The following OVCH1 variants were observed in gnomAD, a reference collection of about 807,000 sequenced individuals.
OVCH1 encodes the protein ovochymase-1.
OVCH1 carries 139 observed loss-of-function variants against 138.4 expected under a neutral mutation model. That is an observed-to-expected ratio of 1.00 (90% CI 0.87 to 1.16). The LOEUF (loss-of-function observed/expected upper bound fraction) is 1.16, where lower values mean the gene tolerates loss of function less well. Ranked by LOEUF, OVCH1 falls within the 50% of genes most tolerant of loss-of-function variation. OVCH1 has a pLI of 0.00. For missense variants in OVCH1, 1,367 were observed against 1,357.9 expected (o/e 1.01, Z -0.11); for synonymous variants, 453 against 467.8 (o/e 0.97, Z 0.41).
chr12:29,472,491 A>T (rs973289163), intron 15 of OVCH1, among the ~76,000 whole-genome samples: 1 of 152,138 alleles, frequency 6.6e-6, no homozygotes, highest in Non-Finnish European at 1.5e-5. Context: ...AATTGATGAG[A>T]CCCATAGCCC....
chr12:29,405,826 T>C, the OVCH1 span, among the ~76,000 whole-genome samples: 1 of 152,236 alleles, frequency 6.6e-6, no homozygotes, highest in African/African-American at 2.4e-5. Context: ...GTGATCTCAT[T>C]CTTTTGACTT....
intron 19 of OVCH1, among the ~76,000 whole-genome samples, chr12:29,457,705 AAATG>A (rs2135960387): frequency 6.6e-6 from 1 of 152,186 alleles, no homozygotes; most frequent in South Asian, 2.1e-4. Flanking sequence ...ACCTGGCCAC[AAATG>A]AATATTTTTT....
chr12:29,484,784 C>T (rs1471777617), intron 8 of OVCH1, among the ~76,000 whole-genome samples: 30 of 152,136 alleles, frequency 2.0e-4, no homozygotes. Flanking sequence ...ATAACACTGT[C>T]CCCTGAGGTT....
At chr12:29,409,535 A>G (rs1940925905), downstream of OVCH1, among the ~76,000 whole-genome samples, 1 of 151,994 alleles carries the variant, frequency 6.6e-6, no homozygotes. Flanking sequence ...TTCAGAGAAC[A>G]TCTTTATTTC....
At chr12:29,468,740 T>C (rs10843425) in intron 16 of OVCH1, among the ~76,000 whole-genome samples, 63,487 of 151,954 alleles carry the variant, frequency 0.42, 14,222 homozygotes, top group East Asian at 0.58. Flanking sequence ...TTGAAAATAT[T>C]GTATGAACTC....
chr12:29,426,324 G>C (rs991495863), downstream of OVCH1, among the ~76,000 whole-genome samples: 1 of 152,184 alleles, frequency 6.6e-6, no homozygotes, highest in African/African-American at 2.4e-5. Context: ...GATAATTGCT[G>C]ACTTACATTA....
exon 14 of OVCH1, chr12:29,475,180 C>T: frequency 6.8e-7 from 1 of 1,473,414 alleles, no homozygotes; most frequent in Non-Finnish European, 9.0e-7. Context: ...CAACATTCCA[C>T]AAAGTTTAGC....
At chr12:29,446,809 GATTTTTA>G (rs1941628908) in intron 22 of OVCH1, among the ~76,000 whole-genome samples, 3 of 151,812 alleles carry the variant, frequency 2.0e-5, no homozygotes, top group Non-Finnish European at 2.9e-5. Context: ...ATTTCAGCAT[GATTTTTA>G]AAGTTTTTTT....
intron 22 of OVCH1, among the ~76,000 whole-genome samples, chr12:29,447,910 C>T (rs538418896): frequency 6.6e-6 from 1 of 152,014 alleles, no homozygotes; most frequent in African/African-American, 2.4e-5. Flanking sequence ...GGCACTGAGG[C>T]TTCTTGATAC....
In OVCH1 at chr12:29,478,468, T is replaced by C. The variant is rs183135840; in HGVS notation, c.1069+367A>G. 3.5e-3 allele frequency among the ~76,000 whole-genome samples: 535 copies of C among 152,222 alleles called. 1 individual carries two copies. Among genetic ancestry groups the C allele is most frequent in the Non-Finnish European group, 6.0e-3 (407 of 67,992 alleles). ...AGTTTTCTGACAACTGTGACATCAA[T>C]TGCATTCAATACTGTTAGTGAACTT... On this transcript the variant is annotated intron_variant, in intron 9 of 27. Transcript: ENST00000318184.
At chr12:29,421,641 G>A (rs1330228942) in intron 3 of OVCH1, among the ~76,000 whole-genome samples, 6 of 151,944 alleles carry the variant, frequency 3.9e-5, no homozygotes, top group East Asian at 3.8e-4. Context: ...TACACTACAC[G>A]TATTCAAAAT....
At chr12:29,434,171 G>C (rs1374358766) in intron 26 of OVCH1, among the ~76,000 whole-genome samples, 1 of 151,846 alleles carries the variant, frequency 6.6e-6, no homozygotes, top group African/African-American at 2.4e-5. Flanking sequence ...AACAAGTAAA[G>C]AAAAAAAGGA....
intron 16 of OVCH1, among the ~76,000 whole-genome samples, chr12:29,466,065 G>A (rs1942306567): frequency 7.0e-6 from 1 of 142,636 alleles, no homozygotes; most frequent in African/African-American, 2.6e-5. Flanking sequence ...CCTAGACACA[G>A]GAAGGGGAAG....
intron 7 of OVCH1, 142 bp from the exon 8 acceptor site, chr12:29,486,490 G>A (rs552347429): frequency 8.5e-5 from 56 of 661,000 alleles, no homozygotes; most frequent in Non-Finnish European, 1.3e-4. Flanking sequence ...CTCAGAGTCA[G>A]TAACCCACTA....
At chr12:29,418,446 T>C (rs891994307) in intron 3 of OVCH1, among the ~76,000 whole-genome samples, 2 of 152,238 alleles carry the variant, frequency 1.3e-5, no homozygotes, top group African/African-American at 4.8e-5. Flanking sequence ...AGTATGTGTT[T>C]ATACAGATAC....
intron 3 of OVCH1, among the ~76,000 whole-genome samples, chr12:29,416,349 ACT>A (rs1364346639): frequency 6.6e-6 from 1 of 152,074 alleles, no homozygotes; most frequent in East Asian, 1.9e-4. Flanking sequence ...CTTGTGAAAG[ACT>A]CTGTTAAGAG....
chr12:29,478,811 T>A, intron 9 of OVCH1, 24 bp downstream of exon 10: 2 of 1,497,954 alleles, frequency 1.3e-6, no homozygotes, highest in Non-Finnish European at 9.0e-7. Context: ...AAATGACAAA[T>A]AAAAACAAAT....
chr12:29,453,910 C>G (rs562469515), intron 21 of OVCH1, among the ~76,000 whole-genome samples: 4 of 152,282 alleles, frequency 2.6e-5, no homozygotes, highest in African/African-American at 9.6e-5. Flanking sequence ...AGCAATCCTA[C>G]TATATCTTTC....
chr12:29,461,904 T>C (rs769098700), exon 19 of OVCH1: 2 of 1,613,762 alleles, frequency 1.2e-6, no homozygotes, highest in Admixed American at 3.3e-5. Context: ...CAGATCATCT[T>C]CTCTGTGATC....
Sources: gnomAD v4.1 joint callset for allele counts (sites outside exome capture counted in the v4.1 genomes callset) on GRCh38, gnomAD v4.1.1 for gene constraint, MANE v1.5 for transcripts, NCBI Gene and HGNC (gene_info 2026-07-23, HGNC 2026-07-21) for gene names.